Variants in RPA3 observed in about 807,000 individuals in gnomAD.
RPA3 encodes the protein replication protein A 14 kDa subunit.
A neutral mutation model predicts 13.7 loss-of-function variants in RPA3; 24 were observed. The ratio of observed to expected loss-of-function variants is 1.75; its 90% CI spans 1.27 to 2.46. The LOEUF (loss-of-function observed/expected upper bound fraction) is 2.46, where lower values mean the gene tolerates loss of function less well. RPA3 is among the 30% of genes most tolerant of loss of function. RPA3 has a pLI of 0.00. For missense variants in RPA3, 183 were observed against 151.0 expected, an observed-to-expected ratio of 1.21 and a Z score of -1.11; for synonymous variants, 59 against 51.2, an observed-to-expected ratio of 1.15 and a Z score of -0.65.
Position 7,640,414 on chromosome 7 carries a change from A to T in RPA3, c.5T>A (p.Val2Glu). Residue 2 changes from valine to glutamate, a missense_variant, in exon 5 of 8, where the codon GTG becomes GAG. By Grantham distance (121) the Val-to-Glu change is moderately radical. Transcript: ENST00000223129. The part of the protein sequence containing the change: M[V>E]DMMDLPRSRI... ...CGACCTGGGCAAGTCCATCATGTCC[A>T]CCATGATTATGGTCCAAGACTGCGG... 6.2e-7 allele frequency: 1 copy of T among 1,613,792 alleles called. No individual in the cohort carries two copies. Among genetic ancestry groups the T allele is most frequent in the Non-Finnish European group, 8.5e-7 (1 of 1,179,858 alleles).
intron 2 of RPA3, among the ~76,000 whole-genome samples, chr7:7,704,377 C>T (rs993360911): frequency 1.3e-5 from 2 of 151,826 alleles, no homozygotes; most frequent in Non-Finnish European, 2.9e-5. Flanking sequence ...ATATAACTGA[C>T]GTAAGAGTCC....
At chr7:7,675,748 T>G (rs1049891916) in intron 4 of RPA3, among the ~76,000 whole-genome samples, 1 of 152,272 alleles carries the variant, frequency 6.6e-6, no homozygotes, top group East Asian at 1.9e-4. Context: ...TGAACAGTCA[T>G]GGTGAGGAAT....
At chr7:7,639,366 TGTAG>T (rs1462754832) in intron 5 of RPA3, among the ~76,000 whole-genome samples, 40 of 152,340 alleles carry the variant, frequency 2.6e-4, no homozygotes, top group African/African-American at 9.4e-4. Flanking sequence ...GGATTTTTTT[TGTAG>T]TGTTAAGTAG....
At chr7:7,677,697 G>A (rs1291818062) in intron 4 of RPA3, among the ~76,000 whole-genome samples, 5 of 119,478 alleles carry the variant, frequency 4.2e-5, no homozygotes, top group Admixed American at 9.7e-5. Context: ...TTTTTGAGAC[G>A]GAGTCTCGCT....
chr7:7,651,013 C>T (rs573638915), intron 4 of RPA3, among the ~76,000 whole-genome samples: 1 of 152,250 alleles, frequency 6.6e-6, no homozygotes, highest in East Asian at 1.9e-4. Context: ...TACAAAAAGC[C>T]AGGTGCATGA....
chr7:7,689,390 A>C (rs1458917400), intron 2 of RPA3: 3 of 152,212 alleles, frequency 2.0e-5, no homozygotes, highest in African/African-American at 7.2e-5. Flanking sequence ...AAAAGGAGGA[A>C]GCAACCATGA....
intron 2 of RPA3, among the ~76,000 whole-genome samples, chr7:7,713,111 G>A (rs1780808642): frequency 6.6e-6 from 1 of 152,032 alleles, no homozygotes; most frequent in Non-Finnish European, 1.5e-5. Flanking sequence ...GGCTAAGGCA[G>A]GCAGATCACA....
intron 2 of RPA3, among the ~76,000 whole-genome samples, chr7:7,708,952 G>A (rs1252903309): frequency 6.6e-6 from 1 of 151,074 alleles, no homozygotes; most frequent in African/African-American, 2.4e-5. Flanking sequence ...AGAGAGAGAG[G>A]GAGAGAGAGA....
chr7:7,673,130 T>C (rs913437023), intron 4 of RPA3, among the ~76,000 whole-genome samples: 2 of 152,196 alleles, frequency 1.3e-5, no homozygotes, highest in Non-Finnish European at 2.9e-5. Flanking sequence ...GAGTTTAAAT[T>C]GGAAGATCAT....
chr7:7,692,314 G>A (rs969879686), intron 2 of RPA3: 5 of 152,180 alleles, frequency 3.3e-5, no homozygotes, highest in Non-Finnish European at 7.3e-5. Context: ...GTAGTCATGA[G>A]GAGAATTATA....
intron 3 of RPA3, among the ~76,000 whole-genome samples, chr7:7,686,521 A>T (rs1377773215): frequency 6.6e-6 from 1 of 152,212 alleles, no homozygotes. Context: ...AACTAATTGC[A>T]GCATCATGTC....
chr7:7,638,073 A>G, intron 6 of RPA3, 101 bp from the exon 7 acceptor site: 1 of 725,804 alleles, frequency 1.4e-6, no homozygotes. Flanking sequence ...CACTTCAAGT[A>G]ACAAAGTAAT....
intron 2 of RPA3, among the ~76,000 whole-genome samples, chr7:7,708,595 TATTTG>T (rs1780668385): frequency 6.6e-6 from 1 of 152,214 alleles, no homozygotes; most frequent in Non-Finnish European, 1.5e-5. Context: ...TAAGTCAACA[TATTTG>T]TCCTTTTGGG....
chr7:7,649,175 A>G (rs12702630), intron 4 of RPA3, among the ~76,000 whole-genome samples: 15,266 of 104,310 alleles, frequency 0.15, 1,184 homozygotes, highest in Non-Finnish European at 0.2. Context: ...AAAAAAAAAA[A>G]AAAAGAAAAG....
At chr7:7,707,500 A>C (rs773630553) in intron 2 of RPA3, among the ~76,000 whole-genome samples, 1 of 152,180 alleles carries the variant, frequency 6.6e-6, no homozygotes, top group African/African-American at 2.4e-5. Context: ...TATGCTCTCA[A>C]ATTGCTTCAG....
At chr7:7,661,983 CCTTT>C (rs1229431564) in intron 4 of RPA3, among the ~76,000 whole-genome samples, 1 of 152,138 alleles carries the variant, frequency 6.6e-6, no homozygotes, top group Non-Finnish European at 1.5e-5. Flanking sequence ...GGGGCTGCTG[CCTTT>C]CTTTCAGAGA....
intron 4 of RPA3, among the ~76,000 whole-genome samples, chr7:7,683,404 C>G (rs1779960405): frequency 6.6e-6 from 1 of 152,102 alleles, no homozygotes; most frequent in African/African-American, 2.4e-5. Context: ...AGTTCACTCT[C>G]TAATAATTGT....
chr7:7,684,734 G>A (rs1303029258), intron 4 of RPA3, among the ~76,000 whole-genome samples: 1 of 152,168 alleles, frequency 6.6e-6, no homozygotes, highest in Non-Finnish European at 1.5e-5. Context: ...ATGAATTTAT[G>A]TGAAATTATT....
At chr7:7,704,527 G>A (rs1230340252) in intron 2 of RPA3, among the ~76,000 whole-genome samples, 1 of 150,590 alleles carries the variant, frequency 6.6e-6, no homozygotes, top group South Asian at 2.1e-4. Context: ...AAGCCGAGGT[G>A]GGCGGATCAC....
Sources: allele counts gnomAD v4.1 joint callset (sites outside exome capture counted in the v4.1 genomes callset), GRCh38; gene constraint gnomAD v4.1.1; transcripts MANE v1.5; gene names NCBI Gene and HGNC (gene_info 2026-07-23, HGNC 2026-07-21).